AGAP1: variants seen among roughly 807,000 people sequenced by gnomAD.
AGAP1 encodes ArfGAP with GTPase domain, ankyrin repeat and PH domain 1.
AGAP1 carries 29 observed loss-of-function variants against 105.3 expected under a neutral mutation model. The ratio of observed to expected loss-of-function variants is 0.28; its 90% CI spans 0.21 to 0.38. The LOEUF (loss-of-function observed/expected upper bound fraction) is 0.38. AGAP1 is among the 10% of genes least tolerant of loss of function. AGAP1 has a pLI of 1.00. For synonymous variants in AGAP1, 509 were observed against 485.9 expected, an observed-to-expected ratio of 1.05 and a Z score of -0.63; for missense variants, 998 against 1,165.1, an observed-to-expected ratio of 0.86 and a Z score of 2.09.
intron 9 of AGAP1, among the ~76,000 whole-genome samples, chr2:235,816,437 CAA>C (rs79795818): frequency 0.53 from 50,955 of 96,718 alleles, 9,987 homozygotes; most frequent in Admixed American, 0.58. Flanking sequence ...GACTCCGTCT[CAA>C]AAAAAAAAAA....
At position 236,068,560 on chromosome 2, in the gene AGAP1, G is replaced by A. The variant is rs1295910497; in HGVS notation, c.2114+19279G>A. Among the ~76,000 whole-genome samples the A allele has an allele frequency of 3.9e-5, 6 of 151,926 alleles. No homozygotes were observed. In the South Asian group the frequency reaches 6.2e-4, roughly 16 times the overall value. ...TCACGCCTGTAATCCCAGCACTTTC[G>A]GAGGCCGAGGCGGGCGGATCACGAG... On this transcript the variant is annotated intron_variant, in intron 16 of 17. Coordinates refer to ENST00000304032, the MANE Select transcript of AGAP1 (RefSeq NM_001037131.3).
rs1559270723 is a variant in AGAP1 at position 235,589,188 on chromosome 2, TGTTTTG to T, written c.163+94340_163+94345del. ...TGAGAACTACCAGTTAATAGCTTAT[TGTTTTG>T]TTTTTTTTTTTTTTTTTTTTTTTTT... On this transcript the variant is annotated intron_variant, in intron 1 of 17. Transcript: ENST00000304032. Among the ~76,000 whole-genome samples the T allele has an allele frequency of 2.5e-3, 214 of 86,842 alleles. 2 individuals carry two copies. Among genetic ancestry groups the T allele is most frequent in the Non-Finnish European group, 2.8e-3 (143 of 50,866 alleles). The allele number at this position is 86,842 out of a possible 152,430, so 57.0% of individuals were successfully genotyped here. A position where few individuals can be genotyped will look rare whatever the true frequency, so the allele number is the denominator to read the frequency against.
At chr2:235,748,422 T>TTA (rs1553620791) in intron 5 of AGAP1, among the ~76,000 whole-genome samples, 2 of 149,578 alleles carry the variant, frequency 1.3e-5, no homozygotes, top group African/African-American at 4.9e-5. Context: ...TGTTTATACT[T>TTA]AAAAAAAAAA....
At chr2:235,682,007 G>T (rs1468803005) in intron 1 of AGAP1, among the ~76,000 whole-genome samples, 5 of 151,686 alleles carry the variant, frequency 3.3e-5, no homozygotes, top group Non-Finnish European at 5.9e-5. Context: ...CCGCCACCAC[G>T]CCCAGCTAAT....
chr2:235,876,631 G>A (rs960600130), intron 9 of AGAP1, among the ~76,000 whole-genome samples: 6 of 152,144 alleles, frequency 3.9e-5, no homozygotes, highest in African/African-American at 1.4e-4. Context: ...CTCTGGCTCA[G>A]TGAATGACCC....
intron 1 of AGAP1, among the ~76,000 whole-genome samples, chr2:235,524,008 AG>A (rs1942730175): frequency 6.6e-6 from 1 of 152,176 alleles, no homozygotes; most frequent in African/African-American, 2.4e-5. Context: ...TGACCTGGCC[AG>A]GGTGTGGGAT....
chr2:236,129,365 A>G lies in AGAP1; in HGVS notation c.*5243A>G, dbSNP rs1341871888. ...ACATACATTAGGTTGCTTTTCAGCAAAATGTCAGCTTTCCTCCCATTATGC... is the reference window on the plus strand; with the variant it reads ...ACATACATTAGGTTGCTTTTCAGCAGAATGTCAGCTTTCCTCCCATTATGC... On this transcript the variant is annotated 3_prime_UTR_variant, in exon 18 of 18. Transcript: ENST00000304032. This position sits in a 1 kb window ranked among gnomAD's most constrained non-coding sequence, Gnocchi z 6.2. 1 of 152,296 alleles carries G rather than the reference A, an allele frequency of 6.6e-6. No homozygotes were observed. The highest frequency in any genetic ancestry group is 1.5e-5 in the Non-Finnish European group (1 of 68,098). The allele number at this position is 152,296 out of a possible 1,614,324, so 9.4% of individuals were successfully genotyped here.
In AGAP1 at chr2:235,940,956, CA is replaced by C. The variant is rs1346925556; in HGVS notation, c.1483+10034del. Among the ~76,000 whole-genome samples, 45 of 152,304 alleles carry C rather than the reference CA, an allele frequency of 3.0e-4. No individual in the cohort carries two copies. The Middle Eastern group carries it at 0.017, about 58-fold the overall frequency. ...CAAATAGGAATAGTCCAAGTGGTGGCAGGGGTGGGGTGGCTTGGTGTATTTC... is the reference window on the plus strand; with the variant it reads ...CAAATAGGAATAGTCCAAGTGGTGGCGGGGTGGGGTGGCTTGGTGTATTTC... On this transcript the variant is annotated intron_variant, in intron 12 of 17. Coordinates refer to ENST00000304032, the MANE Select transcript of AGAP1 (RefSeq NM_001037131.3).
chr2:235,705,024 G>A lies in AGAP1; in HGVS notation c.164-4155G>A, dbSNP rs1319965245. The stretch of plus-strand genomic sequence containing the variant: ...GACAGAGTCTCACTCTGTTGCCCAG[G>A]CTGGAGTGCAATGGTGGGATCTCGG... On this transcript the variant is annotated intron_variant, in intron 1 of 17. Transcript: ENST00000304032. This position sits in a 1 kb window ranked among gnomAD's most constrained non-coding sequence, Gnocchi z 4.9. 3.9e-5 allele frequency among the ~76,000 whole-genome samples: 5 copies of A among 126,866 alleles called. No individual in the cohort carries two copies. In the East Asian group the frequency reaches 8.0e-4, roughly 20 times the overall value. 83.2% of individuals were successfully genotyped at this position (126,866 alleles called of 152,430 possible).
At chr2:235,636,504 G>A (rs983134060) in intron 1 of AGAP1, among the ~76,000 whole-genome samples, 2 of 152,178 alleles carry the variant, frequency 1.3e-5, no homozygotes, top group Non-Finnish European at 2.9e-5. Context: ...GTCAGGGACG[G>A]CAGAGAACTC....
chr2:235,592,356 G>A (rs13009455), intron 1 of AGAP1, among the ~76,000 whole-genome samples: 54,884 of 149,610 alleles, frequency 0.37, 10,566 homozygotes, highest in Middle Eastern at 0.51. Flanking sequence ...CCATGTTCTG[G>A]GGGGCAGTGA....
intron 1 of AGAP1, among the ~76,000 whole-genome samples, chr2:235,506,273 TA>T (rs1226746639): frequency 6.6e-6 from 1 of 152,124 alleles, no homozygotes; most frequent in Non-Finnish European, 1.5e-5. Flanking sequence ...TTCAATATTT[TA>T]AAAAATTTGA....
intron 1 of AGAP1, among the ~76,000 whole-genome samples, chr2:235,518,955 T>G (rs1259521940): frequency 6.6e-6 from 1 of 152,204 alleles, no homozygotes; most frequent in Non-Finnish European, 1.5e-5. Context: ...GCCAGTTGGC[T>G]TCACACTGTT....
rs549121064 is a variant in AGAP1 at position 236,018,156 on chromosome 2, C to T, written c.1646-18405C>T. Reference sequence around the variant, plus strand: ...GTTGCTTTTTAACAATTAACTTTCTCAAGATGGGTGAAATTGAGTTTTCTT... The same window carrying T: ...GTTGCTTTTTAACAATTAACTTTCTTAAGATGGGTGAAATTGAGTTTTCTT... On this transcript the variant is annotated intron_variant, in intron 13 of 17. Coordinates refer to ENST00000304032, the MANE Select transcript of AGAP1 (RefSeq NM_001037131.3). Among the ~76,000 whole-genome samples, 11 of 152,316 alleles carry T rather than the reference C, an allele frequency of 7.2e-5. No homozygotes were observed. In the South Asian group the frequency reaches 1.7e-3, roughly 23 times the overall value.
intron 1 of AGAP1, among the ~76,000 whole-genome samples, chr2:235,602,419 G>A (rs992691926): frequency 6.6e-6 from 1 of 152,096 alleles, no homozygotes; most frequent in Admixed American, 6.5e-5. Flanking sequence ...ACCCCTGCTT[G>A]GCCTTCTTTC....
chr2:236,112,851 G>C (rs2059684198), intron 16 of AGAP1, among the ~76,000 whole-genome samples: 1 of 152,262 alleles, frequency 6.6e-6, no homozygotes, highest in Non-Finnish European at 1.5e-5. Flanking sequence ...CCCCAGGCCT[G>C]TCCTGAAGGC....
intron 1 of AGAP1, among the ~76,000 whole-genome samples, chr2:235,521,692 T>C (rs1486169409): frequency 2.0e-5 from 3 of 151,928 alleles, no homozygotes; most frequent in Admixed American, 6.6e-5. Context: ...AGGTCTCTTA[T>C]TAATAGACGT....
chr2:235,511,870 GTGTA>G (rs1942136693), intron 1 of AGAP1, among the ~76,000 whole-genome samples: 1 of 149,784 alleles, frequency 6.7e-6, no homozygotes, highest in East Asian at 2.0e-4. Flanking sequence ...GAATGTGTGT[GTGTA>G]TGTGAATGTG....
Position 235,968,552 on chromosome 2 carries a change from A to G in AGAP1, c.1574A>G (p.Asn525Ser). The change falls in exon 13 of 18, where the codon AAC (asparagine) becomes AGC (serine). Residue 525 changes from asparagine to serine, a missense_variant. By Grantham distance (46) the Asn-to-Ser change is conservative (BLOSUM62 1). Around this residue, in one of 3 missense-constraint regions of AGAP1, gnomAD observed 735 missense variants for 833.4 expected, o/e 0.88. Coordinates refer to ENST00000304032, the MANE Select transcript of AGAP1 (RefSeq NM_001037131.3). ...KLDPPPSPHA[N>S]RKKHRRKKST... ...GACCCGCCCCCCTCCCCTCACGCCAACAGAAAGAAGCACCGAAGGAAGAAA... is the reference window on the plus strand; with the variant it reads ...GACCCGCCCCCCTCCCCTCACGCCAGCAGAAAGAAGCACCGAAGGAAGAAA... The G allele has an allele frequency of 1.6e-6, 2 of 1,236,232 alleles. No individual in the cohort carries two copies. Among genetic ancestry groups the G allele is most frequent in the Non-Finnish European group, 2.2e-6 (2 of 929,546 alleles). 76.6% of individuals were successfully genotyped at this position (1,236,232 alleles called of 1,614,324 possible). A position where few individuals can be genotyped will look rare whatever the true frequency, so the allele number is the denominator to read the frequency against.
Sources: allele counts gnomAD v4.1 joint callset (sites outside exome capture counted in the v4.1 genomes callset), GRCh38; gene constraint gnomAD v4.1.1; regional missense constraint gnomAD v4.1.1; non-coding constraint Gnocchi (gnomAD v3.1); transcripts MANE v1.5; gene names NCBI Gene and HGNC (gene_info 2026-07-23, HGNC 2026-07-21).